The following NXPE2 variants were observed in gnomAD, a reference collection of about 807,000 sequenced individuals.
NXPE2 encodes the protein neurexophilin and PC-esterase domain family member 2, also known as NXPE family member 2.
NXPE2 carries 34 observed loss-of-function variants against 34.4 expected under a neutral mutation model. That is an observed-to-expected ratio of 0.99 (90% confidence interval 0.75 to 1.31). The LOEUF (loss-of-function observed/expected upper bound fraction) is 1.31, where lower values mean the gene tolerates loss of function less well. Ranked by LOEUF, NXPE2 falls within the 40% of genes most tolerant of loss-of-function variation. The pLI is 0.00. For missense variants in NXPE2, 649 were observed against 672.5 expected (o/e 0.97, Z 0.39); for synonymous variants, 235 against 231.3 (o/e 1.02, Z -0.15).
the NXPE2 span, among the ~76,000 whole-genome samples, chr11:114,760,119 T>C: frequency 2.0e-5 from 3 of 152,192 alleles, no homozygotes; most frequent in Non-Finnish European, 2.9e-5. Flanking sequence ...TCCCTGCACA[T>C]TCACATATTG....
chr11:114,737,832 C>T, the NXPE2 span, among the ~76,000 whole-genome samples: 1 of 152,108 alleles, frequency 6.6e-6, no homozygotes, highest in South Asian at 2.1e-4. Flanking sequence ...CCTGTAATCC[C>T]AGCACTTTGG....
At chr11:114,487,342 T>A in the NXPE2 span, among the ~76,000 whole-genome samples, 1 of 152,210 alleles carries the variant, frequency 6.6e-6, no homozygotes, top group Admixed American at 6.5e-5. Flanking sequence ...TATGTTGATT[T>A]TGTATCCTGC....
chr11:114,635,855 T>G, the NXPE2 span, among the ~76,000 whole-genome samples: 245 of 152,142 alleles, frequency 1.6e-3, no homozygotes, highest in African/African-American at 5.6e-3. Context: ...TGTGTTGCTG[T>G]ATTCGGTTTG....
chr11:114,490,578 C>T, the NXPE2 span, among the ~76,000 whole-genome samples: 2 of 152,128 alleles, frequency 1.3e-5, no homozygotes, highest in African/African-American at 2.4e-5. Context: ...CTTTGACAAA[C>T]CTGACAAAAA....
the NXPE2 span, among the ~76,000 whole-genome samples, chr11:114,540,718 T>A: frequency 6.6e-6 from 1 of 152,018 alleles, no homozygotes; most frequent in Non-Finnish European, 1.5e-5. Context: ...AGGCAAGTTT[T>A]GGTGGGAAGA....
chr11:114,520,527 T>TA, the NXPE2 span, among the ~76,000 whole-genome samples: 3 of 152,230 alleles, frequency 2.0e-5, no homozygotes, highest in African/African-American at 7.2e-5. Flanking sequence ...GATGGGCACT[T>TA]ATGTTGTTTC....
At chr11:114,618,221 C>A in the NXPE2 span, among the ~76,000 whole-genome samples, 1 of 151,872 alleles carries the variant, frequency 6.6e-6, no homozygotes, top group South Asian at 2.1e-4. Flanking sequence ...CACTGTTACC[C>A]GGAGGATAAT....
chr11:114,491,912 A>G, the NXPE2 span, among the ~76,000 whole-genome samples: 1,020 of 152,306 alleles, frequency 6.7e-3, 14 homozygotes, highest in African/African-American at 0.022. Context: ...TGCAAGGACA[A>G]AAAACCAAAC....
At chr11:114,467,677 G>A in the NXPE2 span, among the ~76,000 whole-genome samples, 2 of 152,024 alleles carry the variant, frequency 1.3e-5, no homozygotes, top group African/African-American at 4.8e-5. Context: ...GCTCATGCCT[G>A]TAATCCCAGC....
chr11:114,591,254 T>C, the NXPE2 span, among the ~76,000 whole-genome samples: 1 of 152,206 alleles, frequency 6.6e-6, no homozygotes, highest in Non-Finnish European at 1.5e-5. Flanking sequence ...AAGGGAAAGG[T>C]AGCTAACATT....
chr11:114,487,940 A>T, the NXPE2 span, among the ~76,000 whole-genome samples: 1 of 152,132 alleles, frequency 6.6e-6, no homozygotes, highest in Non-Finnish European at 1.5e-5. Context: ...ATCAATGTTT[A>T]TCAGTGATAT....
intron 2 of NXPE2, among the ~76,000 whole-genome samples, chr11:114,683,483 C>A (rs1365861868): frequency 6.7e-6 from 1 of 149,098 alleles, no homozygotes; most frequent in Non-Finnish European, 1.5e-5. Flanking sequence ...TGCAGTGGCA[C>A]GACCTCGGCT....
At chr11:114,469,638 C>G in the NXPE2 span, among the ~76,000 whole-genome samples, 3 of 151,396 alleles carry the variant, frequency 2.0e-5, no homozygotes, top group East Asian at 3.9e-4. Flanking sequence ...TACATGCACC[C>G]CCCCCACCAC....
At chr11:114,750,954 A>G in the NXPE2 span, among the ~76,000 whole-genome samples, 1 of 151,770 alleles carries the variant, frequency 6.6e-6, no homozygotes, top group Non-Finnish European at 1.5e-5. Context: ...TGATTTCTTG[A>G]TGGCATTTTA....
the NXPE2 span, among the ~76,000 whole-genome samples, chr11:114,712,839 A>G: frequency 6.6e-6 from 1 of 152,234 alleles, no homozygotes; most frequent in Non-Finnish European, 1.5e-5. Flanking sequence ...CATGTTCATC[A>G]CAAGACTATT....
the NXPE2 span, among the ~76,000 whole-genome samples, chr11:114,806,248 A>T: frequency 6.6e-6 from 1 of 152,188 alleles, no homozygotes; most frequent in African/African-American, 2.4e-5. Flanking sequence ...ATGGGAAAAA[A>T]ACAGAGCAGA....
At chr11:114,766,493 CT>C in the NXPE2 span, among the ~76,000 whole-genome samples, 1 of 152,110 alleles carries the variant, frequency 6.6e-6, no homozygotes, top group African/African-American at 2.4e-5. Context: ...TCTATTCTGG[CT>C]TTTTTCTTCC....
chr11:114,673,150 A>G, the NXPE2 span, among the ~76,000 whole-genome samples: 1 of 150,100 alleles, frequency 6.7e-6, no homozygotes, highest in African/African-American at 2.4e-5. Context: ...ATATGGAATG[A>G]AATTAGAAAT....
At chr11:114,515,739 A>ACT in the NXPE2 span, among the ~76,000 whole-genome samples, 1 of 108,690 alleles carries the variant, frequency 9.2e-6, no homozygotes, top group African/African-American at 5.1e-5. Flanking sequence ...GGCTGTGGTT[A>ACT]GAAAGTAAGT....
Sources: allele counts gnomAD v4.1 joint callset (sites outside exome capture counted in the v4.1 genomes callset), GRCh38; gene constraint gnomAD v4.1.1; transcripts MANE v1.5; gene names NCBI Gene and HGNC (gene_info 2026-07-23, HGNC 2026-07-21).